ARHGEF28: variants seen among roughly 807,000 people sequenced by gnomAD.
ARHGEF28 encodes Rho guanine nucleotide exchange factor 28.
In ARHGEF28, 152 loss-of-function variants were observed where a neutral mutation model predicts 206.6. The ratio of observed to expected loss-of-function variants is 0.74; its 90% CI spans 0.64 to 0.84. The LOEUF is 0.84. Among genes scored for constraint, ARHGEF28 ranks in the 40% least tolerant of loss-of-function variants. The pLI is 0.00. For missense variants in ARHGEF28, 2,028 were observed against 2,073.2 expected (o/e 0.98, Z 0.42); for synonymous variants, 763 against 776.4 (o/e 0.98, Z 0.29).
At chr5:73,730,868 A>G (rs1221910281) in intron 2 of ARHGEF28, among the ~76,000 whole-genome samples, 1 of 152,060 alleles carries the variant, frequency 6.6e-6, no homozygotes, top group East Asian at 1.9e-4. Flanking sequence ...TTGGTTTTTT[A>G]CTTGCTCTGT....
chr5:73,866,364 C>A (rs965256264), intron 18 of ARHGEF28, among the ~76,000 whole-genome samples: 6 of 152,166 alleles, frequency 3.9e-5, no homozygotes, highest in African/African-American at 1.4e-4. Context: ...ATGAAATGTA[C>A]CTTACTTTGT....
chr5:73,844,501 A>G (rs1270594785), intron 11 of ARHGEF28, among the ~76,000 whole-genome samples: 1 of 152,156 alleles, frequency 6.6e-6, no homozygotes, highest in East Asian at 1.9e-4. Flanking sequence ...ATAGTAGAAT[A>G]AGACCAGGAC....
chr5:73,712,295 G>C (rs550931154), intron 2 of ARHGEF28, among the ~76,000 whole-genome samples: 1 of 152,182 alleles, frequency 6.6e-6, no homozygotes, highest in East Asian at 1.9e-4. Flanking sequence ...TATTTTATTT[G>C]AAGAAATGAA....
chr5:73,845,305 T>C (rs541234008), intron 11 of ARHGEF28, among the ~76,000 whole-genome samples: 368 of 152,260 alleles, frequency 2.4e-3, no homozygotes, highest in Non-Finnish European at 4.0e-3. Context: ...CGTGAGCCAC[T>C]GCGCCCAGCC....
chr5:73,763,492 G>A (rs999130218), intron 4 of ARHGEF28, among the ~76,000 whole-genome samples: 1 of 152,154 alleles, frequency 6.6e-6, no homozygotes, highest in South Asian at 2.1e-4. Context: ...GGCCATCTGC[G>A]AGGCATGATG....
chr5:73,849,442 C>CAT (rs764669003), intron 13 of ARHGEF28, among the ~76,000 whole-genome samples: 59 of 152,148 alleles, frequency 3.9e-4, no homozygotes, highest in Admixed American at 6.5e-4. Flanking sequence ...ACTTTTGTCT[C>CAT]ATATATACAT....
chr5:73,699,068 G>A (rs1325191419), intron 2 of ARHGEF28, among the ~76,000 whole-genome samples: 1 of 152,150 alleles, frequency 6.6e-6, no homozygotes, highest in Non-Finnish European at 1.5e-5. Context: ...TTTTCTTTGA[G>A]TGTAGAGAAG....
At chr5:73,868,387 A>G (rs1759851451) in intron 20 of ARHGEF28, among the ~76,000 whole-genome samples, 160 bp downstream of exon 20, 1 of 152,186 alleles carries the variant, frequency 6.6e-6, no homozygotes, top group Non-Finnish European at 1.5e-5. Context: ...TAAACGAATG[A>G]AAATTTAGCC....
At chr5:73,908,543 TCA>T (rs1399602246) in intron 33 of ARHGEF28, 1 of 152,226 alleles carries the variant, frequency 6.6e-6, no homozygotes, top group African/African-American at 2.4e-5. Flanking sequence ...CCAAGGGCAT[TCA>T]CAGAGATCTC....
chr5:73,733,109 A>G (rs1471343284), intron 2 of ARHGEF28, among the ~76,000 whole-genome samples: 1 of 152,164 alleles, frequency 6.6e-6, no homozygotes, highest in African/African-American at 2.4e-5. Context: ...TGTACACTTT[A>G]CCCAATGTGT....
Position 73,852,798 on chromosome 5 carries a change from T to A in ARHGEF28, c.1790+106T>A. 3 of 1,220,242 alleles carry A rather than the reference T, an allele frequency of 2.5e-6. No individual in the cohort carries two copies. In the South Asian group the frequency reaches 3.7e-5, roughly 15 times the overall value. The allele number at this position is 1,220,242 out of a possible 1,614,324, so 75.6% of individuals were successfully genotyped here. A position where few individuals can be genotyped will look rare whatever the true frequency, so the allele number is the denominator to read the frequency against. Reference sequence around the variant, plus strand: ...TTCACTAGTTCATGAGAGGTTTCCATGTAACAAGCCTGCCTAAGACCCTTT... The same window carrying A: ...TTCACTAGTTCATGAGAGGTTTCCAAGTAACAAGCCTGCCTAAGACCCTTT... On this transcript the variant is annotated intron_variant, in intron 14 of 35. Coordinates refer to ENST00000513042, the MANE Select transcript of ARHGEF28 (RefSeq NM_001177693.2).
At chr5:73,645,244 G>T (rs563746066) in intron 1 of ARHGEF28, among the ~76,000 whole-genome samples, 1 of 152,214 alleles carries the variant, frequency 6.6e-6, no homozygotes, top group South Asian at 2.1e-4. Flanking sequence ...TCATACTCCT[G>T]AGCTTAAGCA....
intron 9 of ARHGEF28, among the ~76,000 whole-genome samples, chr5:73,805,842 G>C (rs1025220237): frequency 2.0e-5 from 3 of 152,092 alleles, no homozygotes; most frequent in Non-Finnish European, 4.4e-5. Flanking sequence ...CCACACCCCA[G>C]AAGCATATAT....
At chr5:73,798,563 G>A (rs1754961185) in intron 9 of ARHGEF28, among the ~76,000 whole-genome samples, 2 of 152,156 alleles carry the variant, frequency 1.3e-5, no homozygotes, top group Non-Finnish European at 2.9e-5. Context: ...TAAGGGGTCG[G>A]CATTTTGTCG....
At chr5:73,763,586 G>A (rs1159026194) in intron 4 of ARHGEF28, among the ~76,000 whole-genome samples, 1 of 152,192 alleles carries the variant, frequency 6.6e-6, no homozygotes, top group Non-Finnish European at 1.5e-5. Flanking sequence ...AGGGTCCCTG[G>A]AGAGTCAAGT....
chr5:73,750,805 G>A (rs1751981767), intron 3 of ARHGEF28, among the ~76,000 whole-genome samples: 1 of 151,920 alleles, frequency 6.6e-6, no homozygotes. Flanking sequence ...GGTCTTTCAG[G>A]CCCTTTTAAT....
intron 1 of ARHGEF28, among the ~76,000 whole-genome samples, chr5:73,677,524 AAAGTC>A (rs1210098289): frequency 6.6e-6 from 1 of 152,264 alleles, no homozygotes; most frequent in African/African-American, 2.4e-5. Flanking sequence ...AGAATTTCAT[AAAGTC>A]AAGAATTGAT....
At chr5:73,645,389 T>G (rs1280207975) in intron 1 of ARHGEF28, among the ~76,000 whole-genome samples, 3 of 152,180 alleles carry the variant, frequency 2.0e-5, no homozygotes. Context: ...TTTTCAAAAT[T>G]CAGAAATGAT....
At chr5:73,810,860 C>T (rs1353187967) in intron 9 of ARHGEF28, among the ~76,000 whole-genome samples, 1 of 152,100 alleles carries the variant, frequency 6.6e-6, no homozygotes. Flanking sequence ...AGTTAGGGAG[C>T]CCCTATAGAT....
Sources: gnomAD v4.1 joint callset for allele counts (sites outside exome capture counted in the v4.1 genomes callset) on GRCh38, gnomAD v4.1.1 for gene constraint, MANE v1.5 for transcripts, NCBI Gene and HGNC (gene_info 2026-07-23, HGNC 2026-07-21) for gene names.